EYS: variants seen among roughly 807,000 people sequenced by gnomAD.
EYS encodes the protein EGF-like photoreceptor maintenance factor.
In EYS, 250 loss-of-function variants were observed where a neutral mutation model predicts 282.1. The ratio of observed to expected loss-of-function variants is 0.89; its 90% CI spans 0.80 to 0.98. EYS has a LOEUF of 0.98. EYS is among the 50% of genes least tolerant of loss of function. The pLI is 0.00. For synonymous variants in EYS, 1,355 were observed against 1,282.9 expected, an observed-to-expected ratio of 1.06 and a Z score of -1.20; for missense variants, 4,016 against 3,709.0, an observed-to-expected ratio of 1.08 and a Z score of -2.15.
intron 30 of EYS, among the ~76,000 whole-genome samples, chr6:64,271,152 C>A (rs1034139983): frequency 6.6e-6 from 1 of 152,084 alleles, no homozygotes; most frequent in Non-Finnish European, 1.5e-5. Flanking sequence ...TGGCTAAGTA[C>A]AAGAGCAAGA....
At chr6:64,205,699 T>A (rs1212101549) in intron 31 of EYS, among the ~76,000 whole-genome samples, 4 of 152,112 alleles carry the variant, frequency 2.6e-5, no homozygotes, top group African/African-American at 9.7e-5. Context: ...TTTCTTAGGA[T>A]GATTTACAGG....
At chr6:64,144,478 G>A (rs1255775742) in intron 31 of EYS, among the ~76,000 whole-genome samples, 1 of 152,166 alleles carries the variant, frequency 6.6e-6, no homozygotes, top group East Asian at 1.9e-4. Flanking sequence ...TATGAAGCAA[G>A]TGAGGCCCAG....
chr6:64,696,387 T>C (rs1316651201), intron 22 of EYS, among the ~76,000 whole-genome samples: 1 of 152,104 alleles, frequency 6.6e-6, no homozygotes, highest in Non-Finnish European at 1.5e-5. Context: ...GAAGTAAATA[T>C]ATGAATCATA....
intron 14 of EYS, among the ~76,000 whole-genome samples, chr6:64,972,872 T>C (rs1156454088): frequency 6.6e-6 from 1 of 152,046 alleles, no homozygotes; most frequent in Non-Finnish European, 1.5e-5. Context: ...TTATAGGTCT[T>C]ATCTCTAGGT....
At chr6:64,778,565 C>A (rs1773753818) in intron 22 of EYS, among the ~76,000 whole-genome samples, 1 of 151,844 alleles carries the variant, frequency 6.6e-6, no homozygotes, top group African/African-American at 2.4e-5. Context: ...AAACATGAAT[C>A]TCTCACTAAA....
At chr6:64,408,285 T>A (rs1159869050) in intron 28 of EYS, among the ~76,000 whole-genome samples, 1 of 152,112 alleles carries the variant, frequency 6.6e-6, no homozygotes, top group African/African-American at 2.4e-5. Context: ...CCTTTAGATA[T>A]AAAATATAAA....
intron 26 of EYS, among the ~76,000 whole-genome samples, chr6:64,542,791 T>TGATGC (rs1764730721): frequency 6.6e-6 from 1 of 152,112 alleles, no homozygotes; most frequent in African/African-American, 2.4e-5. Context: ...AGCATCTATA[T>TGATGC]TTTTAAGGAG....
intron 35 of EYS, among the ~76,000 whole-genome samples, chr6:63,876,969 T>G (rs1261844735): frequency 3.9e-5 from 6 of 152,210 alleles, no homozygotes; most frequent in Non-Finnish European, 7.3e-5. Context: ...CCCATTTACA[T>G]TTAAGGTTAA....
chr6:63,812,842 C>G (rs1341513900), intron 36 of EYS, among the ~76,000 whole-genome samples: 2 of 152,018 alleles, frequency 1.3e-5, no homozygotes, highest in Non-Finnish European at 2.9e-5. Context: ...GTACTAAGTC[C>G]TTTCCTCTAA....
intron 13 of EYS, among the ~76,000 whole-genome samples, chr6:65,008,096 C>T (rs765123628): frequency 6.6e-6 from 1 of 152,130 alleles, no homozygotes; most frequent in Non-Finnish European, 1.5e-5. Flanking sequence ...GACACAGACT[C>T]AGAACATGGA....
At chr6:64,470,321 T>A (rs1322448719) in intron 26 of EYS, among the ~76,000 whole-genome samples, 1 of 152,126 alleles carries the variant, frequency 6.6e-6, no homozygotes, top group East Asian at 1.9e-4. Context: ...TTAAAGAAAT[T>A]GTGAGGTAAC....
intron 1 of EYS, among the ~76,000 whole-genome samples, chr6:65,668,117 T>G (rs1031686733): frequency 2.0e-5 from 3 of 151,892 alleles, no homozygotes; most frequent in Admixed American, 1.3e-4. Context: ...AGATCCCCTT[T>G]GCCCACTTTA....
rs559110873 is a variant in EYS, at chr6:63,917,734, T to G, written c.7056-53376A>C. On this transcript the variant is annotated intron_variant, in intron 35 of 42. Transcript: ENST00000503581. ...ACAAAAGGCTGAGTTACACAGCTTT[T>G]ATGATGAGTCCAATTTTTAGGGTAG... Among the ~76,000 whole-genome samples, 141 of 152,212 alleles carry G rather than the reference T, an allele frequency of 9.3e-4. 1 individual carries two copies. The highest frequency in any genetic ancestry group is 2.6e-4 in the Non-Finnish European group (18 of 68,034).
At chr6:63,815,098 G>C (rs1771145508) in intron 36 of EYS, among the ~76,000 whole-genome samples, 1 of 152,068 alleles carries the variant, frequency 6.6e-6, no homozygotes, top group South Asian at 2.1e-4. Context: ...CATTCTTTTA[G>C]TTTGTTACTA....
chr6:64,030,699 T>A (rs1769780757), intron 33 of EYS, among the ~76,000 whole-genome samples: 1 of 152,240 alleles, frequency 6.6e-6, no homozygotes, highest in Non-Finnish European at 1.5e-5. Context: ...TTGTTATTAC[T>A]TGCCTTTGGA....
intron 2 of EYS, among the ~76,000 whole-genome samples, chr6:65,581,204 C>T (rs1014553020): frequency 6.6e-6 from 1 of 151,962 alleles, no homozygotes; most frequent in Non-Finnish European, 1.5e-5. Flanking sequence ...CGTCTTCACC[C>T]ACCCCATCCT....
At chr6:64,678,399 G>A (rs757259549) in intron 22 of EYS, among the ~76,000 whole-genome samples, 38 of 151,968 alleles carry the variant, frequency 2.5e-4, no homozygotes, top group Non-Finnish European at 3.2e-4. Context: ...CCAACATGGC[G>A]AAACCCCATC....
Position 65,344,190 on chromosome 6 carries a change from A to G in EYS, c.1460-13T>C, listed in dbSNP as rs754592974. ...TCGCCTTCAGATCCTTTAAAAAAAA[A>G]GAGATAAAAAATTAAATAAACTCTT... On this transcript the variant is annotated splice_polypyrimidine_tract_variant and intron_variant, in intron 9 of 42. Transcript: ENST00000503581. 8 of 1,592,678 alleles carry G rather than the reference A, an allele frequency of 5.0e-6. No homozygotes were observed. In the South Asian group the frequency reaches 7.7e-5, roughly 15 times the overall value.
At chr6:64,246,932 T>TAAAAAAAA (rs1767041991) in intron 30 of EYS, among the ~76,000 whole-genome samples, 2 of 152,198 alleles carry the variant, frequency 1.3e-5, no homozygotes, top group Non-Finnish European at 2.9e-5. Flanking sequence ...TTTTGACTAA[T>TAAAAAAAA]GCTATATTTT....
Sources: allele counts gnomAD v4.1 joint callset (sites outside exome capture counted in the v4.1 genomes callset), GRCh38; gene constraint gnomAD v4.1.1; transcripts MANE v1.5; gene names NCBI Gene and HGNC (gene_info 2026-07-23, HGNC 2026-07-21).